LRRC4C: variants seen among roughly 807,000 people sequenced by gnomAD.
The protein encoded by LRRC4C is leucine rich repeat containing 4C.
Under a neutral mutation model 33.6 loss-of-function variants are expected in LRRC4C, and 5 were observed. The ratio of observed to expected loss-of-function variants is 0.15; its 90% CI spans 0.08 to 0.31. LRRC4C has a LOEUF of 0.31. Among genes scored for constraint, LRRC4C ranks in the 10% least tolerant of loss-of-function variants. LRRC4C has a pLI of 1.00. For synonymous variants in LRRC4C, 329 were observed against 302.0 expected, an observed-to-expected ratio of 1.09 and a Z score of -0.93; for missense variants, 560 against 796.7, an observed-to-expected ratio of 0.70 and a Z score of 3.58.
At chr11:40,521,053 A>G (rs1227457110) in intron 3 of LRRC4C, among the ~76,000 whole-genome samples, 1 of 152,202 alleles carries the variant, frequency 6.6e-6, no homozygotes, top group African/African-American at 2.4e-5. Flanking sequence ...GACAACAAAC[A>G]TTAATAAAGC....
intron 1 of LRRC4C, among the ~76,000 whole-genome samples, chr11:41,444,958 C>T (rs746534502): frequency 6.6e-6 from 1 of 152,058 alleles, no homozygotes; most frequent in Non-Finnish European, 1.5e-5. Flanking sequence ...CATGCATCAC[C>T]ACGCCCGGCT....
intron 2 of LRRC4C, among the ~76,000 whole-genome samples, chr11:40,896,334 C>T (rs1293938389): frequency 2.6e-5 from 4 of 152,152 alleles, no homozygotes; most frequent in African/African-American, 9.7e-5. Flanking sequence ...AGGAAACACA[C>T]ATGGCATTAC....
At chr11:41,271,463 T>C (rs1371292653) in intron 1 of LRRC4C, among the ~76,000 whole-genome samples, 1 of 152,036 alleles carries the variant, frequency 6.6e-6, no homozygotes, top group Admixed American at 6.6e-5. Flanking sequence ...TTCCCCAAGA[T>C]TGTCCCCAGC....
intron 2 of LRRC4C, among the ~76,000 whole-genome samples, chr11:40,764,582 C>G (rs1949364622): frequency 6.6e-6 from 1 of 152,102 alleles, no homozygotes; most frequent in South Asian, 2.1e-4. Context: ...GTATTCTCCA[C>G]TTACTGACTG....
intron 3 of LRRC4C, among the ~76,000 whole-genome samples, chr11:40,381,547 A>T (rs10837392): frequency 0.051 from 7,747 of 152,296 alleles, 255 homozygotes; most frequent in Non-Finnish European, 0.074. Context: ...AGTATTTCAT[A>T]AAAGCAAATA....
At chr11:41,409,030 A>G (rs942026138) in intron 1 of LRRC4C, among the ~76,000 whole-genome samples, 1 of 152,158 alleles carries the variant, frequency 6.6e-6, no homozygotes, top group Non-Finnish European at 1.5e-5. Flanking sequence ...GCAGGGTCAC[A>G]CTGTGTGTAG....
At chr11:41,273,275 G>T (rs1949376187) in intron 1 of LRRC4C, among the ~76,000 whole-genome samples, 1 of 152,238 alleles carries the variant, frequency 6.6e-6, no homozygotes, top group African/African-American at 2.4e-5. Flanking sequence ...CCCACTTCCG[G>T]TTATGTATCC....
At position 40,761,267 on chromosome 11, in the gene LRRC4C, A is replaced by T. The variant is rs185832225; in HGVS notation, c.-406-112989T>A. Among the ~76,000 whole-genome samples, 3 of 152,216 alleles carry T rather than the reference A, an allele frequency of 2.0e-5. No individual in the cohort carries two copies. In the East Asian group the frequency reaches 5.8e-4, roughly 29 times the overall value. On this transcript the variant is annotated intron_variant, in intron 2 of 6. Transcript: ENST00000528697. ...GCCACATAATGAAGGTTGTATCATC[A>T]TCTTAAAATTGCAGTGTTAACTATA...
rs35666750 is a variant in LRRC4C at position 40,940,925 on chromosome 11, CTT to C, written c.-495-7204_-495-7203del. Reference sequence around the variant, plus strand: ...CATGACAGAGAATTCGTTACAAAATCTTTTTTTTTTTTTTTTGGACACTAGTT... The same window carrying C: ...CATGACAGAGAATTCGTTACAAAATCTTTTTTTTTTTTTTGGACACTAGTT... On this transcript the variant is annotated intron_variant, in intron 1 of 6. Transcript: ENST00000528697. Among the ~76,000 whole-genome samples the C allele has an allele frequency of 9.1e-3, 1,197 of 131,540 alleles. 4 individuals are homozygous for C. The highest frequency in any genetic ancestry group is 0.018 in the African/African-American group (641 of 36,566). 86.3% of individuals were successfully genotyped at this position (131,540 alleles called of 152,430 possible). A position where few individuals can be genotyped will look rare whatever the true frequency, so the allele number is the denominator to read the frequency against.
At chr11:41,397,573 A>G (rs954619456) in intron 1 of LRRC4C, among the ~76,000 whole-genome samples, 1 of 151,760 alleles carries the variant, frequency 6.6e-6, no homozygotes, top group African/African-American at 2.4e-5. Flanking sequence ...TAGTAGTTAC[A>G]TTTTGGGGGA....
chr11:41,018,164 T>A (rs1293046235), intron 1 of LRRC4C, among the ~76,000 whole-genome samples: 1 of 152,164 alleles, frequency 6.6e-6, no homozygotes, highest in African/African-American at 2.4e-5. Flanking sequence ...TTAACCAAAA[T>A]AAGTTAGAAA....
intron 2 of LRRC4C, among the ~76,000 whole-genome samples, chr11:40,920,929 T>TG (rs1481953725): frequency 6.6e-6 from 1 of 151,572 alleles, no homozygotes; most frequent in Admixed American, 6.6e-5. Flanking sequence ...TCAAGGTTTT[T>TG]TTTTTTTTTG....
intron 2 of LRRC4C, among the ~76,000 whole-genome samples, chr11:40,743,341 A>G (rs1948254108): frequency 6.6e-6 from 1 of 152,168 alleles, no homozygotes; most frequent in Admixed American, 6.6e-5. Context: ...GCGGTAACAA[A>G]CTATCATAAG....
chr11:40,457,131 T>TA (rs1952173022), intron 3 of LRRC4C, among the ~76,000 whole-genome samples: 1 of 150,328 alleles, frequency 6.7e-6, no homozygotes, highest in Non-Finnish European at 1.5e-5. Flanking sequence ...AAAAAACAGT[T>TA]ACTTGAGGAT....
intron 1 of LRRC4C, among the ~76,000 whole-genome samples, chr11:41,440,234 A>G (rs1441229072): frequency 6.6e-6 from 1 of 152,034 alleles, no homozygotes; most frequent in Non-Finnish European, 1.5e-5. Flanking sequence ...TTTTGCATAT[A>G]GCTATCTATG....
At chr11:41,342,855 C>T (rs752132464) in intron 1 of LRRC4C, among the ~76,000 whole-genome samples, 6 of 152,284 alleles carry the variant, frequency 3.9e-5, no homozygotes, top group South Asian at 2.1e-4. Context: ...ATAACAGTAA[C>T]GTATTCTCTC....
intron 1 of LRRC4C, among the ~76,000 whole-genome samples, chr11:40,943,807 G>T (rs1958263048): frequency 6.6e-6 from 1 of 152,138 alleles, no homozygotes; most frequent in East Asian, 1.9e-4. Flanking sequence ...TGACACAGAT[G>T]TTTAAAACCC....
intron 3 of LRRC4C, among the ~76,000 whole-genome samples, chr11:40,615,265 T>TATATATATATATACAC (rs1490740198): frequency 2.6e-4 from 14 of 53,442 alleles, no homozygotes; most frequent in African/African-American, 5.3e-4. Context: ...TATATATATA[T>TATATATATATATACAC]ACACACACAC....
intron 5 of LRRC4C, among the ~76,000 whole-genome samples, chr11:40,166,863 TA>T (rs1317098254): frequency 6.6e-6 from 1 of 152,168 alleles, no homozygotes; most frequent in Non-Finnish European, 1.5e-5. Flanking sequence ...TATATATGTT[TA>T]TATGGGTAGA....
Sources: gnomAD v4.1 joint callset for allele counts (sites outside exome capture counted in the v4.1 genomes callset) on GRCh38, gnomAD v4.1.1 for gene constraint, MANE v1.5 for transcripts, NCBI Gene and HGNC (gene_info 2026-07-23, HGNC 2026-07-21) for gene names.